Variants in GALNT2 observed in about 807,000 individuals in gnomAD.
GALNT2 encodes UDP-GalNAc:polypeptide N-acetylgalactosaminyltransferase 2.
Under a neutral mutation model 81.4 loss-of-function variants are expected in GALNT2, and 31 were observed. The ratio of observed to expected loss-of-function variants is 0.38; its 90% CI spans 0.29 to 0.51. GALNT2 has a LOEUF of 0.51. Ranked by LOEUF, GALNT2 falls within the 20% of genes least tolerant of loss-of-function variation. The probability of loss-of-function intolerance (pLI) is 0.87; values close to 1 mark genes in which losing one functional copy is unlikely to be tolerated. For synonymous variants in GALNT2, 303 were observed against 287.4 expected (o/e 1.05, Z -0.55); for missense variants, 629 against 765.7 (o/e 0.82, Z 2.11).
chr1:230,272,776 A>G (rs1465283848), intron 14 of GALNT2, among the ~76,000 whole-genome samples: 1 of 151,836 alleles, frequency 6.6e-6, no homozygotes, highest in Non-Finnish European at 1.5e-5. Flanking sequence ...GGTTCGGTTC[A>G]GTTCGGTTTG....
chr1:230,091,616 T>C (rs751981516), intron 1 of GALNT2: 3 of 152,272 alleles, frequency 2.0e-5, no homozygotes, highest in African/African-American at 4.8e-5. Context: ...TGTTCTGCAG[T>C]GTTGGAGCTA....
At chr1:230,064,435 C>T (rs998935738), upstream of GALNT2, among the ~76,000 whole-genome samples, 7 of 152,194 alleles carry the variant, frequency 4.6e-5, no homozygotes, top group Non-Finnish European at 1.0e-4. Context: ...CCATGTGAGT[C>T]ACGTTCTCTG....
rs979118340 is a variant in GALNT2 at position 230,275,412 on chromosome 1, AACACCACATATATAC to A, written c.1560+863_1560+877del. On this transcript the variant is annotated intron_variant, in intron 15 of 15. Transcript: ENST00000366672. The surrounding 1 kb of genome is among the most constrained non-coding windows in gnomAD (Gnocchi z 5.5). ...TACACGCCACATATATACATATGTA[AACACCACATATATAC>A]ACACCACATATATATACACGCCACA... Among the ~76,000 whole-genome samples, 6 of 151,606 alleles carry A rather than the reference AACACCACATATATAC, an allele frequency of 4.0e-5. No homozygotes were observed. Among genetic ancestry groups the A allele is most frequent in the Middle Eastern group, 3.4e-3 (1 of 292 alleles).
intron 2 of GALNT2, among the ~76,000 whole-genome samples, chr1:230,191,416 G>A (rs917213793): frequency 6.6e-6 from 1 of 152,224 alleles, no homozygotes; most frequent in Non-Finnish European, 1.5e-5. Flanking sequence ...CTGAATATTT[G>A]AAAGGCTACC....
Position 230,255,269 on chromosome 1 carries a change from G to A in GALNT2, c.1061G>A (p.Cys354Tyr). 6.2e-7 allele frequency: 1 copy of A among 1,614,238 alleles called. No individual in the cohort carries two copies. The highest frequency in any genetic ancestry group is 8.5e-7 in the Non-Finnish European group (1 of 1,180,038). Residue 354 changes from cysteine (C) to tyrosine (Y), a missense_variant, in exon 11 of 16, where the codon TGC (cysteine) becomes TAC (tyrosine). Physicochemically the swap from Cys to Tyr is radical, Grantham distance 194. Around this residue, in one of 3 missense-constraint regions of GALNT2, gnomAD observed 360 missense variants for 492.8 expected, o/e 0.73. Transcript: ENST00000366672. ...GGTGGCAGCCTGGAGATCATCCCGT[G>A]CAGCCGTGTGGGACACGTGTTCCGG... ...QCGGSLEIIP[C>Y]SRVGHVFRKQ...
At chr1:230,250,857 A>G (rs1479322811) in intron 10 of GALNT2, among the ~76,000 whole-genome samples, 2 of 152,082 alleles carry the variant, frequency 1.3e-5, no homozygotes, top group African/African-American at 4.8e-5. Context: ...GCAGGCTTGC[A>G]AAAACAGAGG....
chr1:230,118,813 C>T (rs1660928545), intron 1 of GALNT2, among the ~76,000 whole-genome samples: 1 of 152,016 alleles, frequency 6.6e-6, no homozygotes, highest in Non-Finnish European at 1.5e-5. Flanking sequence ...TCCTACTAGC[C>T]CAATTAAAAA....
rs142072824 is a variant in GALNT2 at position 230,104,749 on chromosome 1, C to T, written c.126+37343C>T. 1.3e-3 allele frequency among the ~76,000 whole-genome samples: 197 copies of T among 152,322 alleles called. 1 individual carries two copies. The highest frequency in any genetic ancestry group is 4.6e-3 in the African/African-American group (190 of 41,566). ...TCCCGTTCCTTCCCTGGATCTCAGT[C>T]GCAGAGGTGCTGGCTCATGTGCCTG... On this transcript the variant is annotated intron_variant, in intron 1 of 15. Coordinates refer to ENST00000366672, the MANE Select transcript of GALNT2 (RefSeq NM_004481.5).
chr1:230,172,454 C>G (rs1486366750), intron 1 of GALNT2, among the ~76,000 whole-genome samples: 4 of 152,236 alleles, frequency 2.6e-5, no homozygotes, highest in African/African-American at 9.6e-5. Context: ...CCCTCAGACA[C>G]TGTGTGAGGT....
intron 3 of GALNT2, among the ~76,000 whole-genome samples, chr1:230,204,219 G>C (rs1663993078): frequency 6.6e-6 from 1 of 150,586 alleles, no homozygotes; most frequent in African/African-American, 2.4e-5. Flanking sequence ...CTGGAATATA[G>C]TGATGTGATC....
chr1:230,227,877 A>T (rs1273775776), intron 3 of GALNT2, among the ~76,000 whole-genome samples: 1 of 152,196 alleles, frequency 6.6e-6, no homozygotes, highest in East Asian at 1.9e-4. Context: ...TGCAGGCCAT[A>T]ATCACTGCCA....
intron 1 of GALNT2, among the ~76,000 whole-genome samples, chr1:230,109,139 C>G (rs1660627830): frequency 6.6e-6 from 1 of 152,250 alleles, no homozygotes; most frequent in African/African-American, 2.4e-5. Context: ...CCAGTAGCCT[C>G]CCCTGGGCGT....
At chr1:230,095,407 C>A (rs551806059) in intron 1 of GALNT2, among the ~76,000 whole-genome samples, 3 of 152,138 alleles carry the variant, frequency 2.0e-5, no homozygotes, top group African/African-American at 7.2e-5. Flanking sequence ...GTTGAGTTGC[C>A]GGCAGTCTCA....
Position 230,070,707 on chromosome 1 carries a change from G to A in GALNT2, c.126+3301G>A, listed in dbSNP as rs1368758076. Among the ~76,000 whole-genome samples the A allele has an allele frequency of 1.3e-5, 2 of 152,130 alleles. No homozygotes were observed. Among genetic ancestry groups the A allele is most frequent in the Non-Finnish European group, 2.9e-5 (2 of 68,012 alleles). On this transcript the variant is annotated intron_variant, in intron 1 of 15. Transcript: ENST00000366672. This position sits in a 1 kb window ranked among gnomAD's most constrained non-coding sequence, Gnocchi z 4.7. ...TCTTCTAGGAATCATGCGGGGAGGC[G>A]GGCAGGTTATTTCTTGGAACAGTGA... is the stretch of plus-strand genomic sequence containing the variant.
chr1:230,171,721 A>T (rs1662799674), intron 1 of GALNT2, among the ~76,000 whole-genome samples: 1 of 152,240 alleles, frequency 6.6e-6, no homozygotes. Context: ...AATATACATA[A>T]CATTTATTCT....
chr1:230,132,051 C>T (rs1661384786), intron 1 of GALNT2, among the ~76,000 whole-genome samples: 1 of 151,042 alleles, frequency 6.6e-6, no homozygotes, highest in African/African-American at 2.4e-5. Flanking sequence ...TGCCTTTGCT[C>T]ACTAGAAGCA....
At chr1:230,069,300 A>T (rs1431356256) in intron 1 of GALNT2, among the ~76,000 whole-genome samples, 2 of 140,886 alleles carry the variant, frequency 1.4e-5, no homozygotes, top group Non-Finnish European at 3.0e-5. Context: ...TGTTTTTTTT[A>T]AAGAATTCCT....
rs754126794 is a variant in GALNT2, at chr1:230,271,777, C to T, written c.1441-2668C>T. 2.0e-5 allele frequency among the ~76,000 whole-genome samples: 3 copies of T among 152,218 alleles called. No individual in the cohort carries two copies. The highest frequency in any genetic ancestry group is 1.9e-4 in the East Asian group (1 of 5,192). On this transcript the variant is annotated intron_variant, in intron 14 of 15. Transcript: ENST00000366672. The surrounding 1 kb of genome is among the most constrained non-coding windows in gnomAD (Gnocchi z 4.2). ...GCTTCCACGCCCTCTCCAGGTGTGC[C>T]GCTCTCCCAGCGCCTCCGCATGTCC...
chr1:230,174,512 C>T lies in GALNT2; in HGVS notation c.127-3706C>T, dbSNP rs901656155. Among the ~76,000 whole-genome samples the T allele has an allele frequency of 4.6e-5, 7 of 152,090 alleles. 1 individual carries two copies. In the South Asian group the frequency reaches 1.0e-3, roughly 23 times the overall value. On this transcript the variant is annotated intron_variant, in intron 1 of 15. Transcript: ENST00000366672. ...TAGCACTGCTTCTTACCCTCCCCAG[C>T]AACTGTCTTGCATTTCTTCTCGGTG...
Sources: gnomAD v4.1 joint callset for allele counts (sites outside exome capture counted in the v4.1 genomes callset) on GRCh38, gnomAD v4.1.1 for gene constraint, gnomAD v4.1.1 regional missense constraint, Gnocchi (gnomAD v3.1) non-coding constraint, MANE v1.5 for transcripts, NCBI Gene and HGNC (gene_info 2026-07-23, HGNC 2026-07-21) for gene names.